Variants in TMEM232 observed in about 807,000 individuals in gnomAD.
TMEM232 encodes transmembrane protein 232.
TMEM232 carries 80 observed loss-of-function variants against 78.8 expected under a neutral mutation model. That is an observed-to-expected ratio of 1.01 (90% CI 0.85 to 1.22). TMEM232 has a LOEUF of 1.22. Among genes scored for constraint, TMEM232 ranks in the 50% most tolerant of loss-of-function variants. The pLI is 0.00. For missense variants in TMEM232, 881 were observed against 742.2 expected (o/e 1.19, Z -2.17); for synonymous variants, 297 against 254.3 (o/e 1.17, Z -1.60).
At chr5:110,576,264 G>A (rs1031453879) in intron 10 of TMEM232, among the ~76,000 whole-genome samples, 1 of 151,814 alleles carries the variant, frequency 6.6e-6, no homozygotes, top group African/African-American at 2.4e-5. Flanking sequence ...GGCCAAATTT[G>A]GAATGAACTC....
chr5:110,448,164 A>G (rs1221136003), intron 12 of TMEM232, among the ~76,000 whole-genome samples: 1 of 152,036 alleles, frequency 6.6e-6, no homozygotes, highest in South Asian at 2.1e-4. Flanking sequence ...GAGAAGTAAA[A>G]TCTGCCTTAG....
At chr5:110,476,858 A>G (rs987238563) in intron 12 of TMEM232, among the ~76,000 whole-genome samples, 1 of 152,020 alleles carries the variant, frequency 6.6e-6, no homozygotes, top group African/African-American at 2.4e-5. Flanking sequence ...TTGTATTTTG[A>G]AAAAGGTTAC....
intron 7 of TMEM232, among the ~76,000 whole-genome samples, chr5:110,623,111 T>C (rs1032458461): frequency 5.9e-5 from 9 of 152,062 alleles, no homozygotes; most frequent in African/African-American, 2.2e-4. Flanking sequence ...GCTAATTAAG[T>C]GTACCATTTG....
chr5:110,635,550 G>A (rs1785691589), intron 5 of TMEM232, among the ~76,000 whole-genome samples: 1 of 151,814 alleles, frequency 6.6e-6, no homozygotes, highest in Admixed American at 6.6e-5. Flanking sequence ...CAATAAACAT[G>A]ATAAATCACA....
At chr5:110,497,777 A>G (rs1355800042) in intron 12 of TMEM232, among the ~76,000 whole-genome samples, 1 of 152,138 alleles carries the variant, frequency 6.6e-6, no homozygotes, top group Non-Finnish European at 1.5e-5. Context: ...TAATTTGAAT[A>G]TGTAACCCTT....
chr5:110,501,621 C>G (rs1580959530), intron 12 of TMEM232, among the ~76,000 whole-genome samples: 1 of 152,108 alleles, frequency 6.6e-6, no homozygotes, highest in Non-Finnish European at 1.5e-5. Flanking sequence ...GGAGAAATAA[C>G]TCGCAGGTCC....
intron 1 of TMEM232, among the ~76,000 whole-genome samples, chr5:110,669,661 T>A (rs541577946): frequency 1.3e-5 from 2 of 152,256 alleles, no homozygotes; most frequent in South Asian, 4.1e-4. Flanking sequence ...TACCAAAGCC[T>A]GGCAGAGACA....
intron 12 of TMEM232, among the ~76,000 whole-genome samples, chr5:110,436,383 A>G (rs1297183080): frequency 6.6e-6 from 1 of 151,830 alleles, no homozygotes; most frequent in Non-Finnish European, 1.5e-5. Context: ...TAGTTTGCAA[A>G]TATTTTTTCT....
chr5:110,640,731 CA>C, intron 4 of TMEM232, 159 bp downstream of exon 4: 1 of 410,062 alleles, frequency 2.4e-6, no homozygotes, highest in Non-Finnish European at 4.2e-6. Flanking sequence ...ATCATAAATT[CA>C]AAATTACAAA....
chr5:110,642,146 T>G (rs1344569198), intron 3 of TMEM232, 114 bp downstream of exon 3: 1 of 597,936 alleles, frequency 1.7e-6, no homozygotes, highest in Non-Finnish European at 2.7e-6. Context: ...TATCCCTACT[T>G]ATAATTAAAG....
At chr5:110,557,626 T>A (rs982816252) in intron 11 of TMEM232, among the ~76,000 whole-genome samples, 17 of 152,108 alleles carry the variant, frequency 1.1e-4, no homozygotes, top group African/African-American at 3.6e-4. Flanking sequence ...GGGAAGCAGG[T>A]ATATCTTACA....
intron 12 of TMEM232, among the ~76,000 whole-genome samples, chr5:110,506,205 T>C (rs1207934020): frequency 6.6e-6 from 1 of 152,158 alleles, no homozygotes; most frequent in Non-Finnish European, 1.5e-5. Flanking sequence ...AACTGACCTA[T>C]TTTTTTCCAC....
intron 2 of TMEM232, among the ~76,000 whole-genome samples, chr5:110,652,330 G>A (rs908231443): frequency 2.8e-5 from 1 of 35,368 alleles, no homozygotes; most frequent in Non-Finnish European, 7.4e-5. Flanking sequence ...ACTATCCAGG[G>A]TTTCAAATAC....
intron 12 of TMEM232, among the ~76,000 whole-genome samples, chr5:110,455,247 A>G (rs1760770815): frequency 6.6e-6 from 1 of 152,242 alleles, no homozygotes; most frequent in African/African-American, 2.4e-5. Flanking sequence ...TGCCAATTTT[A>G]CAAAATCTCC....
intron 12 of TMEM232, among the ~76,000 whole-genome samples, chr5:110,442,189 T>C (rs1759130574): frequency 6.6e-6 from 1 of 152,164 alleles, no homozygotes; most frequent in African/African-American, 2.4e-5. Context: ...ATGATATATC[T>C]CTTTGAATAT....
intron 12 of TMEM232, among the ~76,000 whole-genome samples, chr5:110,456,624 C>T (rs1309228281): frequency 6.6e-6 from 1 of 151,940 alleles, no homozygotes; most frequent in Non-Finnish European, 1.5e-5. Flanking sequence ...TGGTTTCAAG[C>T]CTAAAGAGCT....
At chr5:110,521,617 T>C (rs1769522915) in intron 12 of TMEM232, among the ~76,000 whole-genome samples, 1 of 152,228 alleles carries the variant, frequency 6.6e-6, no homozygotes, top group African/African-American at 2.4e-5. Flanking sequence ...TTAATCCATT[T>C]GGATCTGCTT....
intron 12 of TMEM232, among the ~76,000 whole-genome samples, chr5:110,484,443 A>T (rs1321976187): frequency 6.6e-6 from 1 of 152,186 alleles, no homozygotes; most frequent in Non-Finnish European, 1.5e-5. Context: ...CATATAGAAA[A>T]AAATGAAAAA....
intron 10 of TMEM232, among the ~76,000 whole-genome samples, chr5:110,589,212 G>A (rs1369454369): frequency 1.3e-5 from 2 of 152,058 alleles, no homozygotes; most frequent in Non-Finnish European, 2.9e-5. Context: ...TCTGTAATGA[G>A]AACATTTTAC....
Sources: allele counts gnomAD v4.1 joint callset (sites outside exome capture counted in the v4.1 genomes callset), GRCh38; gene constraint gnomAD v4.1.1; transcripts MANE v1.5; gene names NCBI Gene and HGNC (gene_info 2026-07-23, HGNC 2026-07-21).